Variants in SEMA3C observed in about 807,000 individuals in gnomAD.
SEMA3C encodes semaphorin-3C.
Under a neutral mutation model 89.4 loss-of-function variants are expected in SEMA3C, and 47 were observed. The ratio of observed to expected loss-of-function variants is 0.53; its 90% CI spans 0.42 to 0.67. SEMA3C has a LOEUF of 0.67. Among genes scored for constraint, SEMA3C ranks in the 30% least tolerant of loss-of-function variants. The pLI is 0.00. For missense variants in SEMA3C, 839 were observed against 929.1 expected (o/e 0.90, Z 1.26); for synonymous variants, 310 against 320.2 (o/e 0.97, Z 0.34).
intron 2 of SEMA3C, among the ~76,000 whole-genome samples, chr7:80,909,477 G>A (rs1792093368): frequency 6.6e-6 from 1 of 152,142 alleles, no homozygotes; most frequent in Non-Finnish European, 1.5e-5. Flanking sequence ...TACTAAGGTA[G>A]TAATTTAGAA....
intron 13 of SEMA3C, among the ~76,000 whole-genome samples, chr7:80,762,318 G>GTTCACTATTGTTCACC (rs1562863632): frequency 1.3e-5 from 2 of 152,112 alleles, no homozygotes; most frequent in African/African-American, 2.4e-5. Context: ...TCACCTGCCA[G>GTTCACTATTGTTCACC]TGCTGTTTCG....
At chr7:80,816,991 A>G (rs983614112) in intron 5 of SEMA3C, among the ~76,000 whole-genome samples, 9 of 152,216 alleles carry the variant, frequency 5.9e-5, no homozygotes, top group Admixed American at 3.3e-4. Context: ...ACTTCAGGGA[A>G]GTGTCTGACA....
At chr7:80,813,470 C>T (rs1285958254) in intron 5 of SEMA3C, among the ~76,000 whole-genome samples, 1 of 152,184 alleles carries the variant, frequency 6.6e-6, no homozygotes, top group Non-Finnish European at 1.5e-5. Flanking sequence ...ATTATTGCTA[C>T]TTTGCAGAGA....
rs1006638304 is a variant in SEMA3C at position 80,883,927 on chromosome 7, T to C, written c.103+32752A>G. ...CCCACAAGAAATGTTTTTAAGAGTC[T>C]GAACTAAGAGTGAGGCACTGTGATA... On this transcript the variant is annotated intron_variant, in intron 2 of 17. Coordinates refer to ENST00000265361, the MANE Select transcript of SEMA3C (RefSeq NM_006379.5). Among the ~76,000 whole-genome samples the C allele has an allele frequency of 9.2e-5, 14 of 152,340 alleles. No individual in the cohort carries two copies. In the East Asian group the frequency reaches 2.5e-3, roughly 27 times the overall value.
chr7:80,872,797 CAAAA>C (rs1218885274), intron 2 of SEMA3C, among the ~76,000 whole-genome samples: 3 of 40,086 alleles, frequency 7.5e-5, no homozygotes, highest in Admixed American at 5.7e-4. Flanking sequence ...GAGACTCTGT[CAAAA>C]AAAAAAAAAA....
Position 80,804,204 on chromosome 7 carries a change from G to C in SEMA3C, c.703C>G (p.Pro235Ala), listed in dbSNP as rs540758564. The change falls in exon 8 of 18, where the codon CCA becomes GCA. Residue 235 changes from proline to alanine, a missense_variant. By Grantham distance (27) the Pro-to-Ala change is conservative (BLOSUM62 -1). Coordinates refer to ENST00000265361, the MANE Select transcript of SEMA3C (RefSeq NM_006379.5). The stretch of plus-strand genomic sequence containing the variant: ...AAGAAGTACACCTTAGCATCATTTG[G>C]ATCAGTACCATCTGGGATGACATGT... ...DAHVIPDGTDPNDAKVYFFFK... is the reference protein window; with the variant it reads ...DAHVIPDGTDANDAKVYFFFK... 1.9e-6 allele frequency: 3 copies of C among 1,611,620 alleles called. No homozygotes were observed. The South Asian group carries it at 3.3e-5, about 18-fold the overall frequency.
intron 10 of SEMA3C, among the ~76,000 whole-genome samples, chr7:80,799,751 G>A (rs918155309): frequency 7.9e-5 from 12 of 151,994 alleles, no homozygotes; most frequent in African/African-American, 2.9e-4. Context: ...CTACTTAGGC[G>A]ACCGAGGCAG....
chr7:80,782,269 G>A (rs1013904518), intron 12 of SEMA3C, among the ~76,000 whole-genome samples: 15 of 152,054 alleles, frequency 9.9e-5, no homozygotes, highest in African/African-American at 3.6e-4. Flanking sequence ...AAATTCAGTC[G>A]GTTCCAAGGT....
intron 2 of SEMA3C, among the ~76,000 whole-genome samples, chr7:80,864,363 A>G (rs928122943): frequency 1.3e-5 from 2 of 152,066 alleles, no homozygotes; most frequent in African/African-American, 2.4e-5. Context: ...ATATAACCAA[A>G]TATCACCTGT....
At chr7:80,799,438 T>C (rs541726307) in intron 10 of SEMA3C, among the ~76,000 whole-genome samples, 79 of 152,166 alleles carry the variant, frequency 5.2e-4, no homozygotes, top group Admixed American at 1.5e-3. Flanking sequence ...ATGAGCAAGA[T>C]TAAAAAAAAG....
rs943447253 is a variant in SEMA3C, at chr7:80,748,991, T to C, written c.1749A>G (p.Val583=). Residue 583 remains valine (V), a synonymous_variant, in exon 17 of 18, where the codon GTA becomes GTG. Coordinates refer to ENST00000265361, the MANE Select transcript of SEMA3C (RefSeq NM_006379.5). ...ACTCCAGAAAAGTGGTGTTATTTTT[T>C]ACTCCATACTGGACAATTTCAGCTG... ...RNAAEIVQYG[V]KNNTTFLECA... 10 of 1,613,054 alleles carry C rather than the reference T, an allele frequency of 6.2e-6. No homozygotes were observed. The African/African-American group carries it at 1.3e-4, about 22-fold the overall frequency.
At position 80,743,129 on chromosome 7, in the gene SEMA3C, G is replaced by A. The variant is rs539130106; in HGVS notation, c.*1765C>T. On this transcript the variant is annotated 3_prime_UTR_variant, in exon 18 of 18. Transcript: ENST00000265361. ...TGTGTCAATGTAGAAGAGAAAAGAA[G>A]TTTAATTATACCTTTTAAGCAGGCA... 4.0e-5 allele frequency: 6 copies of A among 151,832 alleles called. No homozygotes were observed. The highest frequency in any genetic ancestry group is 8.8e-5 in the Non-Finnish European group (6 of 67,824). 9.4% of individuals were successfully genotyped at this position (151,832 alleles called of 1,614,324 possible).
chr7:80,892,785 T>A (rs1012584841), intron 2 of SEMA3C, among the ~76,000 whole-genome samples: 3 of 152,202 alleles, frequency 2.0e-5, no homozygotes, highest in African/African-American at 7.2e-5. Flanking sequence ...GAACAAAAAA[T>A]TCCTCTTTTA....
chr7:80,857,415 C>T (rs182646143), intron 2 of SEMA3C, among the ~76,000 whole-genome samples: 35 of 152,152 alleles, frequency 2.3e-4, no homozygotes, highest in Admixed American at 2.6e-4. Context: ...ATTACAAAAA[C>T]GAGAAAAAAC....
chr7:80,800,816 A>G lies in SEMA3C; in HGVS notation c.927T>C (p.Phe309=), dbSNP rs2115660727. The G allele has an allele frequency of 6.6e-7, 1 of 1,512,660 alleles. No homozygotes were observed. The highest frequency in any genetic ancestry group is 2.6e-5 in the East Asian group (1 of 38,750). The allele number at this position is 1,512,660 out of a possible 1,614,324, so 93.7% of individuals were successfully genotyped here. ...TCCTCGGGTTATCAGTTTCCAGCAG[A>G]AACACATCCTCTATAAAAAGGAAAA... ...ETHFDELEDV[F]LLETDNPRTT... Residue 309 remains phenylalanine, a synonymous_variant, in exon 10 of 18, where the codon TTT becomes TTC. Coordinates refer to ENST00000265361, the MANE Select transcript of SEMA3C (RefSeq NM_006379.5).
At chr7:80,807,191 T>C (rs916459864) in intron 6 of SEMA3C, among the ~76,000 whole-genome samples, 4 of 152,198 alleles carry the variant, frequency 2.6e-5, no homozygotes, top group Non-Finnish European at 5.9e-5. Flanking sequence ...TTCACATTTT[T>C]GTATATTCAA....
chr7:80,856,481 T>C (rs1450303580), intron 2 of SEMA3C, among the ~76,000 whole-genome samples: 1 of 138,210 alleles, frequency 7.2e-6, no homozygotes, highest in Non-Finnish European at 1.5e-5. Context: ...TTCAACATCA[T>C]GGTGACAGCC....
Position 80,798,081 on chromosome 7 carries a change from T to C in SEMA3C, c.1131+11A>G. On this transcript the variant is annotated intron_variant, in intron 11 of 17. Transcript: ENST00000265361. ...AAGCATCATAACAAAGAATTTTCCCTGGATACTTACAGTTCCAGGGCGAGG... is the reference window on the plus strand; with the variant it reads ...AAGCATCATAACAAAGAATTTTCCCCGGATACTTACAGTTCCAGGGCGAGG... The C allele has an allele frequency of 1.9e-6, 3 of 1,593,076 alleles. No homozygotes were observed. The highest frequency in any genetic ancestry group is 2.6e-6 in the Non-Finnish European group (3 of 1,173,670).
At position 80,828,732 on chromosome 7, in the gene SEMA3C, G is replaced by A. The variant is rs765187985; in HGVS notation, c.117C>T (p.Thr39=). The A allele has an allele frequency of 1.2e-6, 2 of 1,605,474 alleles. No individual in the cohort carries two copies. Among genetic ancestry groups the A allele is most frequent in the East Asian group, 2.2e-5 (1 of 44,724 alleles). Residue 39 remains threonine, a synonymous_variant, in exon 3 of 18, where the codon ACC becomes ACT. Transcript: ENST00000265361. ...VYLTFDELRE[T]KTSEYFSLSH... ...AAAGGCTGAAGTATTCAGAGGTCTT[G>A]GTTTCTCGAAGTTCTGAAAGAGTGA...
Sources: gnomAD v4.1 joint callset for allele counts (sites outside exome capture counted in the v4.1 genomes callset) on GRCh38, gnomAD v4.1.1 for gene constraint, MANE v1.5 for transcripts, NCBI Gene and HGNC (gene_info 2026-07-23, HGNC 2026-07-21) for gene names.